Variants in PPARGC1B observed in about 807,000 individuals in gnomAD.
PPARGC1B encodes the protein peroxisome proliferator-activated receptor gamma coactivator 1-beta.
Under a neutral mutation model 101.6 loss-of-function variants are expected in PPARGC1B, and 34 were observed. That is an observed-to-expected ratio of 0.33 (90% CI 0.25 to 0.45). The LOEUF (loss-of-function observed/expected upper bound fraction) is 0.45, where lower values mean the gene tolerates loss of function less well. Ranked by LOEUF, PPARGC1B falls within the 20% of genes least tolerant of loss-of-function variation. PPARGC1B has a pLI of 1.00. For synonymous variants in PPARGC1B, 548 were observed against 539.3 expected, an observed-to-expected ratio of 1.02 and a Z score of -0.22; for missense variants, 1,234 against 1,317.6, an observed-to-expected ratio of 0.94 and a Z score of 0.98.
intron 1 of PPARGC1B, among the ~76,000 whole-genome samples, chr5:149,769,466 G>A (rs1234916647): frequency 2.0e-5 from 3 of 152,170 alleles, no homozygotes; most frequent in Admixed American, 6.5e-5. Flanking sequence ...ACTGATTCGG[G>A]GAGCTCATCC....
In PPARGC1B at chr5:149,832,887, A is replaced by G; in HGVS notation, c.814A>G (p.Arg272Gly). 6.2e-7 allele frequency: 1 copy of G among 1,612,948 alleles called. No individual in the cohort carries two copies. Among genetic ancestry groups the G allele is most frequent in the South Asian group, 1.1e-5 (1 of 91,006 alleles). The change falls in exon 5 of 12, where the codon AGG becomes GGG. Residue 272 changes from arginine to glycine, a missense_variant. Transcript: ENST00000309241. The surrounding 1 kb of genome is among the most constrained non-coding windows in gnomAD (Gnocchi z 4.9). ...TCCCCGGGACTCCCTAGCTCTGGGCAGGGCAGACCCCGGTGCCCCGGTTTC... is the reference window on the plus strand; with the variant it reads ...TCCCCGGGACTCCCTAGCTCTGGGCGGGGCAGACCCCGGTGCCCCGGTTTC... ...ASPRDSLALG[R>G]ADPGAPVSQE...
intron 1 of PPARGC1B, among the ~76,000 whole-genome samples, chr5:149,796,246 C>T (rs1757212652): frequency 6.6e-6 from 1 of 152,086 alleles, no homozygotes; most frequent in South Asian, 2.1e-4. Flanking sequence ...GAGGAGGTGA[C>T]ATTTGATCTA....
chr5:149,777,775 T>G (rs1469131135), intron 1 of PPARGC1B, among the ~76,000 whole-genome samples: 1 of 143,868 alleles, frequency 7.0e-6, no homozygotes, highest in African/African-American at 2.7e-5. Flanking sequence ...ATTTAAAAAC[T>G]GTCTTTGTAA....
intron 1 of PPARGC1B, among the ~76,000 whole-genome samples, chr5:149,754,761 C>A (rs1755441893): frequency 7.1e-6 from 1 of 141,490 alleles, no homozygotes; most frequent in Non-Finnish European, 1.5e-5. Flanking sequence ...GCAGTTTCTT[C>A]CAGAGCATCC....
At chr5:149,802,896 A>G (rs937854960) in intron 1 of PPARGC1B, among the ~76,000 whole-genome samples, 3 of 152,148 alleles carry the variant, frequency 2.0e-5, no homozygotes, top group East Asian at 3.9e-4. Flanking sequence ...TGATGCTGCT[A>G]GTTCATGGAC....
At chr5:149,819,717 G>C (rs1758202897) in intron 1 of PPARGC1B, among the ~76,000 whole-genome samples, 1 of 152,164 alleles carries the variant, frequency 6.6e-6, no homozygotes, top group African/African-American at 2.4e-5. Context: ...TGGCCAGGCT[G>C]GTCTTGAACC....
At position 149,852,707 on chromosome 5, in the gene PPARGC1B, A is replaced by G. The variant is rs1302945979; in HGVS notation, c.*5149A>G. The G allele has an allele frequency of 8.1e-6, 1 of 123,794 alleles. No homozygotes were observed. The highest frequency in any genetic ancestry group is 1.7e-5 in the Non-Finnish European group (1 of 57,908). The allele number at this position is 123,794 out of a possible 1,614,324, so 7.7% of individuals were successfully genotyped here. A position where few individuals can be genotyped will look rare whatever the true frequency, so the allele number is the denominator to read the frequency against. On this transcript the variant is annotated 3_prime_UTR_variant, in exon 12 of 12. Coordinates refer to ENST00000309241, the MANE Select transcript of PPARGC1B (RefSeq NM_133263.4). ...TGTTCTCAGACAATACTAGCAATAC[A>G]CTTTTTTTTTTTTTTTTTAAAGAAA...
rs990720208 is a variant in PPARGC1B at position 149,816,781 on chromosome 5, C to T, written c.79-3652C>T. ...TGCTGGCCTCGGAGGCCCCAGCTGC[C>T]TAGCAACCCGTGTCTCTGCTTTTGG... On this transcript the variant is annotated intron_variant, in intron 1 of 11. Transcript: ENST00000309241. Among the ~76,000 whole-genome samples the T allele has an allele frequency of 3.3e-5, 5 of 152,336 alleles. No individual in the cohort carries two copies. The South Asian group carries it at 1.0e-3, about 32-fold the overall frequency.
chr5:149,814,313 A>T (rs1010870820), intron 1 of PPARGC1B, among the ~76,000 whole-genome samples: 3 of 152,224 alleles, frequency 2.0e-5, no homozygotes, highest in African/African-American at 7.2e-5. Flanking sequence ...CTGGAAAGTC[A>T]TTCACACGTA....
At position 149,832,784 on chromosome 5, in the gene PPARGC1B, C is replaced by T. The variant is rs371533274; in HGVS notation, c.711C>T (p.Leu237=). 1.9e-5 allele frequency: 30 copies of T among 1,613,104 alleles called. No individual in the cohort carries two copies. Among genetic ancestry groups the T allele is most frequent in the Non-Finnish European group, 2.5e-5 (29 of 1,179,606 alleles). ...LQDRGLQPPC[L]QSPRLPAKED... ...ATCGGGGTCTGCAGCCACCATGCCT[C>T]CAGAGTCCCCGGCTCCCTGCCAAGG... The change falls in exon 5 of 12, where the codon CTC becomes CTT. Residue 237 remains leucine (L), a synonymous_variant. Coordinates refer to ENST00000309241, the MANE Select transcript of PPARGC1B (RefSeq NM_133263.4). The surrounding 1 kb of genome is among the most constrained non-coding windows in gnomAD (Gnocchi z 4.9).
intron 6 of PPARGC1B, among the ~76,000 whole-genome samples, 165 bp downstream of exon 6, chr5:149,834,875 A>AG (rs1453773011): frequency 1.3e-5 from 2 of 152,174 alleles, no homozygotes; most frequent in African/African-American, 2.4e-5. Flanking sequence ...CTCCTTTAGA[A>AG]GGGAGTTGGT....
Position 149,837,047 on chromosome 5 carries a change from G to C in PPARGC1B, c.2592G>C (p.Trp864Cys). 1 of 1,613,238 alleles carries C rather than the reference G, an allele frequency of 6.2e-7. No homozygotes were observed. Among genetic ancestry groups the C allele is most frequent in the Non-Finnish European group, 8.5e-7 (1 of 1,179,818 alleles). Residue 864 changes from tryptophan (W) to cysteine (C), a missense_variant, in exon 8 of 12, where the codon TGG becomes TGC. By Grantham distance (215) the Trp-to-Cys change is radical. This residue lies in a region of PPARGC1B where 497 missense variants were observed against 529.5 expected (regional missense o/e 0.94). Coordinates refer to ENST00000309241, the MANE Select transcript of PPARGC1B (RefSeq NM_133263.4). The surrounding 1 kb of genome is among the most constrained non-coding windows in gnomAD (Gnocchi z 4.2). ...CTGGCTCTTCACCCTGCCACTCCTGGTCACCAGCCACTCGAAGGAACTTCA... is the reference window on the plus strand; with the variant it reads ...CTGGCTCTTCACCCTGCCACTCCTGCTCACCAGCCACTCGAAGGAACTTCA... Reference protein sequence around the residue: ...SSSGSSPCHSWSPATRRNFRC... With the variant: ...SSSGSSPCHSCSPATRRNFRC...
At chr5:149,798,521 T>C (rs918819379) in intron 1 of PPARGC1B, among the ~76,000 whole-genome samples, 20 of 152,232 alleles carry the variant, frequency 1.3e-4, no homozygotes, top group Non-Finnish European at 2.9e-5. Context: ...TAGAGAAGCA[T>C]GGCCTCAGCT....
rs1420296897 is a variant in PPARGC1B, at chr5:149,825,823, G to A, written c.253-850G>A. ...TGCAGGGGGCAGTTATACTACCACC[G>A]CCACCACTGTCATCATCATCATCGT... is the stretch of plus-strand genomic sequence containing the variant. On this transcript the variant is annotated intron_variant, in intron 2 of 11. Coordinates refer to ENST00000309241, the MANE Select transcript of PPARGC1B (RefSeq NM_133263.4). 3.3e-5 allele frequency among the ~76,000 whole-genome samples: 5 copies of A among 152,144 alleles called. No homozygotes were observed. In the East Asian group the frequency reaches 7.7e-4, roughly 23 times the overall value.
chr5:149,810,365 C>T (rs1258642709), intron 1 of PPARGC1B, among the ~76,000 whole-genome samples: 2 of 152,218 alleles, frequency 1.3e-5, no homozygotes, highest in Non-Finnish European at 2.9e-5. Context: ...TGATAGGCCA[C>T]CCTCCTGACA....
Position 149,847,702 on chromosome 5 carries a change from T to A in PPARGC1B, c.*144T>A. Reference sequence around the variant, plus strand: ...TGAGAGAGACTTGAAACTGCTGTCCTTTAAAAAAAAAAAAAATCAATGTTT... The same window carrying A: ...TGAGAGAGACTTGAAACTGCTGTCCATTAAAAAAAAAAAAAATCAATGTTT... On this transcript the variant is annotated 3_prime_UTR_variant, in exon 12 of 12. Coordinates refer to ENST00000309241, the MANE Select transcript of PPARGC1B (RefSeq NM_133263.4). The A allele has an allele frequency of 1.7e-6, 1 of 597,368 alleles. No homozygotes were observed. Among genetic ancestry groups the A allele is most frequent in the Non-Finnish European group, 3.0e-6 (1 of 338,088 alleles). 37.0% of individuals were successfully genotyped at this position (597,368 alleles called of 1,614,324 possible).
chr5:149,754,891 C>G (rs1186965484), intron 1 of PPARGC1B, among the ~76,000 whole-genome samples: 2 of 149,288 alleles, frequency 1.3e-5, no homozygotes, highest in African/African-American at 5.0e-5. Flanking sequence ...AAGCAACTCT[C>G]CTACCTCAGC....
intron 2 of PPARGC1B, 121 bp from the exon 3 acceptor site, chr5:149,826,552 G>A (rs1267637826): frequency 1.4e-6 from 1 of 739,734 alleles, no homozygotes; most frequent in Non-Finnish European, 2.4e-6. Context: ...GGTATGGCAG[G>A]AGGGTGTTGG....
intron 2 of PPARGC1B, among the ~76,000 whole-genome samples, chr5:149,826,102 C>T (rs553431184): frequency 6.6e-6 from 1 of 152,266 alleles, no homozygotes; most frequent in South Asian, 2.1e-4. Context: ...AGCCCCAGCT[C>T]CAGAGCCCGA....
Sources: allele counts gnomAD v4.1 joint callset (sites outside exome capture counted in the v4.1 genomes callset), GRCh38; gene constraint gnomAD v4.1.1; regional missense constraint gnomAD v4.1.1; non-coding constraint Gnocchi (gnomAD v3.1); transcripts MANE v1.5; gene names NCBI Gene and HGNC (gene_info 2026-07-23, HGNC 2026-07-21).